Variants in USP10 observed in about 807,000 individuals in gnomAD.
USP10 encodes the protein ubiquitin carboxyl-terminal hydrolase 10.
A neutral mutation model predicts 84.5 loss-of-function variants in USP10; 22 were observed. That is an observed-to-expected ratio of 0.26 (90% CI 0.19 to 0.37). The LOEUF (loss-of-function observed/expected upper bound fraction) is 0.37, where lower values mean the gene tolerates loss of function less well. USP10 is among the 10% of genes least tolerant of loss of function. The pLI is 1.00. For missense variants in USP10, 1,019 were observed against 998.9 expected, an observed-to-expected ratio of 1.02 and a Z score of -0.27; for synonymous variants, 454 against 387.6, an observed-to-expected ratio of 1.17 and a Z score of -2.01.
chr16:84,777,372 A>T (rs1319563079), intron 13 of USP10, among the ~76,000 whole-genome samples: 1 of 151,762 alleles, frequency 6.6e-6, no homozygotes, highest in African/African-American at 2.4e-5. Flanking sequence ...TTGAAGCAAA[A>T]CTCTTAGCCC....
intron 3 of USP10, among the ~76,000 whole-genome samples, chr16:84,743,830 A>G (rs996351204): frequency 1.3e-5 from 2 of 152,196 alleles, no homozygotes; most frequent in Admixed American, 1.3e-4. Flanking sequence ...TTCCCAAGAG[A>G]TATTTAAAAG....
intron 4 of USP10, among the ~76,000 whole-genome samples, chr16:84,757,216 C>G (rs1912647040): frequency 6.6e-6 from 1 of 152,132 alleles, no homozygotes; most frequent in Non-Finnish European, 1.5e-5. Flanking sequence ...TTTCAAGGCC[C>G]AGTTCGGTAT....
intron 11 of USP10, among the ~76,000 whole-genome samples, chr16:84,771,729 G>C (rs139583462): frequency 2.1e-3 from 318 of 152,112 alleles, no homozygotes; most frequent in Non-Finnish European, 3.4e-3. Context: ...TTAGCCAGAT[G>C]TGGTGGTGGG....
intron 1 of USP10, among the ~76,000 whole-genome samples, chr16:84,728,302 T>TA (rs1356810167): frequency 3.3e-5 from 5 of 152,216 alleles, no homozygotes; most frequent in Admixed American, 3.3e-4. Flanking sequence ...TATAAATATA[T>TA]TGAATAAATT....
chr16:84,768,153 G>A (rs1254250026), intron 10 of USP10, 40 bp from the exon 11 acceptor site: 7 of 1,540,636 alleles, frequency 4.5e-6, no homozygotes, highest in Admixed American at 2.0e-5. Flanking sequence ...GTGGCAAGGA[G>A]TGGTCTCTTA....
At chr16:84,729,875 A>G (rs1051665652) in intron 1 of USP10, among the ~76,000 whole-genome samples, 4 of 152,224 alleles carry the variant, frequency 2.6e-5, no homozygotes, top group African/African-American at 9.6e-5. Context: ...ATAGCTGGTA[A>G]TCAGCAGTTA....
intron 1 of USP10, among the ~76,000 whole-genome samples, chr16:84,730,551 G>C (rs1255515896): frequency 2.0e-5 from 3 of 152,220 alleles, no homozygotes; most frequent in Non-Finnish European, 2.9e-5. Context: ...CCGTTTCTGA[G>C]CGTTCCAGCT....
chr16:84,763,735 A>T (rs1343548766), intron 9 of USP10, among the ~76,000 whole-genome samples: 1 of 151,236 alleles, frequency 6.6e-6, no homozygotes, highest in Non-Finnish European at 1.5e-5. Flanking sequence ...GTTGCAGTGG[A>T]TCCAGTGGCA....
At chr16:84,721,397 T>G (rs1238975680) in intron 1 of USP10, among the ~76,000 whole-genome samples, 5 of 152,252 alleles carry the variant, frequency 3.3e-5, no homozygotes, top group African/African-American at 1.2e-4. Context: ...CCATTGGTCT[T>G]CAAGAGCTTT....
intron 1 of USP10, among the ~76,000 whole-genome samples, chr16:84,717,071 C>T (rs1907124802): frequency 6.6e-6 from 1 of 152,158 alleles, no homozygotes; most frequent in Admixed American, 6.5e-5. Flanking sequence ...TGTGAATGTG[C>T]ACATTTAGAT....
At chr16:84,710,322 A>T (rs1906113221) in intron 1 of USP10, among the ~76,000 whole-genome samples, 1 of 151,406 alleles carries the variant, frequency 6.6e-6, no homozygotes, top group African/African-American at 2.4e-5. Context: ...CAGGGGTCTT[A>T]CTTAGATGCT....
At chr16:84,717,836 A>G (rs894199244) in intron 1 of USP10, among the ~76,000 whole-genome samples, 2 of 152,232 alleles carry the variant, frequency 1.3e-5, no homozygotes, top group African/African-American at 4.8e-5. Flanking sequence ...GTACGGATTA[A>G]TTTACTGTAA....
chr16:84,717,791 T>A (rs1028704376), intron 1 of USP10, among the ~76,000 whole-genome samples: 3 of 152,186 alleles, frequency 2.0e-5, no homozygotes, highest in African/African-American at 7.2e-5. Flanking sequence ...TTCATTGAGG[T>A]CCTAGTCTCT....
At chr16:84,774,716 G>A (rs768162158) in intron 12 of USP10, among the ~76,000 whole-genome samples, 4 of 152,120 alleles carry the variant, frequency 2.6e-5, no homozygotes, top group Non-Finnish European at 5.9e-5. Flanking sequence ...GTGATCGCCC[G>A]TCTCAGCCTC....
intron 1 of USP10, among the ~76,000 whole-genome samples, chr16:84,701,551 A>G (rs921402673): frequency 1.3e-5 from 2 of 152,248 alleles, no homozygotes; most frequent in African/African-American, 2.4e-5. Context: ...ATTGGTATGA[A>G]CAAGTAAAAG....
intron 1 of USP10, among the ~76,000 whole-genome samples, chr16:84,725,660 C>G (rs1908370757): frequency 6.6e-6 from 1 of 152,026 alleles, no homozygotes; most frequent in Non-Finnish European, 1.5e-5. Context: ...CGCCTCGGCC[C>G]CCCAGAGTGC....
rs556751510 is a variant in USP10, at chr16:84,725,004, A to C, written c.22-8431A>C. Among the ~76,000 whole-genome samples, 246 of 152,352 alleles carry C rather than the reference A, an allele frequency of 1.6e-3. 1 individual carries two copies. Among genetic ancestry groups the C allele is most frequent in the African/African-American group, 5.7e-3 (235 of 41,574 alleles). ...AAATTAAAATTTTTATTTTGATATA[A>C]GTACTGACCTTTTTTAAAACTTTAT... On this transcript the variant is annotated intron_variant, in intron 1 of 13. Transcript: ENST00000219473.
At chr16:84,769,868 G>A (rs912822924) in intron 11 of USP10, among the ~76,000 whole-genome samples, 30 of 152,302 alleles carry the variant, frequency 2.0e-4, no homozygotes, top group African/African-American at 5.3e-4. Flanking sequence ...GGGTTGAGGC[G>A]CAGGTAGTTG....
intron 1 of USP10, among the ~76,000 whole-genome samples, chr16:84,705,897 T>C (rs1905433115): frequency 6.6e-6 from 1 of 151,924 alleles, no homozygotes; most frequent in Admixed American, 6.6e-5. Flanking sequence ...TTTTTTTGTA[T>C]TTTTAGTAGA....
Sources: allele counts gnomAD v4.1 joint callset (sites outside exome capture counted in the v4.1 genomes callset), GRCh38; gene constraint gnomAD v4.1.1; transcripts MANE v1.5; gene names NCBI Gene and HGNC (gene_info 2026-07-23, HGNC 2026-07-21).